Variants in SLC16A10 observed in about 807,000 individuals in gnomAD.
The protein encoded by SLC16A10 is monocarboxylate transporter 10.
Under a neutral mutation model 40.0 loss-of-function variants are expected in SLC16A10, and 27 were observed. The ratio of observed to expected loss-of-function variants is 0.67; its 90% CI spans 0.50 to 0.93. The LOEUF is 0.93. Ranked by LOEUF, SLC16A10 falls within the 40% of genes least tolerant of loss-of-function variation. SLC16A10 has a pLI of 0.00. For missense variants in SLC16A10, 529 were observed against 658.2 expected (o/e 0.80, Z 2.15); for synonymous variants, 213 against 249.8 (o/e 0.85, Z 1.39).
intron 3 of SLC16A10, 72 bp from the exon 4 acceptor site, chr6:111,206,520 T>G: frequency 6.4e-7 from 1 of 1,569,330 alleles, no homozygotes. Context: ...GCAAATGCAT[T>G]TGATGCAAAG....
chr6:111,185,579 G>A (rs1772880990), intron 3 of SLC16A10, among the ~76,000 whole-genome samples: 1 of 152,098 alleles, frequency 6.6e-6, no homozygotes, highest in African/African-American at 2.4e-5. Context: ...AGAAAACTGA[G>A]GCCATGCAGT....
At chr6:111,203,719 C>CAAATAAATAAATAAATAAAT (rs60881476) in intron 3 of SLC16A10, among the ~76,000 whole-genome samples, 193 of 138,152 alleles carry the variant, frequency 1.4e-3, no homozygotes, top group Admixed American at 2.7e-3. Flanking sequence ...AACCCCATCT[C>CAAATAAATAAATAAATAAAT]AAATAAATAA....
At chr6:111,097,514 A>G (rs1012853111) in intron 1 of SLC16A10, among the ~76,000 whole-genome samples, 1 of 151,842 alleles carries the variant, frequency 6.6e-6, no homozygotes, top group Non-Finnish European at 1.5e-5. Context: ...GGGTTTCGCC[A>G]TGTTGGTCAG....
intron 1 of SLC16A10, among the ~76,000 whole-genome samples, chr6:111,095,802 C>T (rs1195637376): frequency 2.0e-5 from 3 of 152,218 alleles, no homozygotes; most frequent in East Asian, 1.9e-4. Context: ...GCTCCTCTTT[C>T]ACCTTCCACC....
chr6:111,201,766 A>G (rs1773171617), intron 3 of SLC16A10, among the ~76,000 whole-genome samples: 1 of 152,194 alleles, frequency 6.6e-6, no homozygotes, highest in Non-Finnish European at 1.5e-5. Context: ...GCAGGTGTGT[A>G]CCACCACTGC....
intron 3 of SLC16A10, among the ~76,000 whole-genome samples, chr6:111,196,225 T>C (rs1389899626): frequency 6.6e-6 from 1 of 152,014 alleles, no homozygotes; most frequent in Non-Finnish European, 1.5e-5. Flanking sequence ...TAGTCCCAGC[T>C]ACTCAGGAGG....
At chr6:111,172,661 CAT>C (rs750483645) in intron 1 of SLC16A10, 32 bp from the exon 2 acceptor site, 1 of 1,601,250 alleles carries the variant, frequency 6.2e-7, no homozygotes, top group Non-Finnish European at 8.5e-7. Flanking sequence ...CTTACCATGT[CAT>C]AATTCCCCCC....
chr6:111,093,064 A>G (rs966047868), intron 1 of SLC16A10, among the ~76,000 whole-genome samples: 1 of 150,092 alleles, frequency 6.7e-6, no homozygotes, highest in Non-Finnish European at 1.5e-5. Context: ...AAGAAAAGAA[A>G]AAAAGAAAAA....
At position 111,150,700 on chromosome 6, in the gene SLC16A10, AC is replaced by A. The variant is rs201243932; in HGVS notation, c.344-21993del. Reference sequence around the variant, plus strand: ...TGATTGAGCATGCTCAGTTCTTTCTACCAAAGGCCTCAATCAGACAGATTCT... The same window carrying A: ...TGATTGAGCATGCTCAGTTCTTTCTACAAAGGCCTCAATCAGACAGATTCT... On this transcript the variant is annotated intron_variant, in intron 1 of 5. Transcript: ENST00000368851. Among the ~76,000 whole-genome samples the A allele has an allele frequency of 9.4e-3, 1,426 of 152,252 alleles. 22 individuals are homozygous for A. The highest frequency in any genetic ancestry group is 0.033 in the African/African-American group (1,376 of 41,546).
intron 3 of SLC16A10, among the ~76,000 whole-genome samples, chr6:111,182,256 C>T (rs896619652): frequency 2.2e-4 from 33 of 151,482 alleles, no homozygotes; most frequent in Non-Finnish European, 4.0e-4. Context: ...CCATCTTGGC[C>T]TCCCAAAATG....
At chr6:111,100,992 C>CTATATA (rs71021826) in intron 1 of SLC16A10, among the ~76,000 whole-genome samples, 225 of 66,388 alleles carry the variant, frequency 3.4e-3, no homozygotes, top group African/African-American at 0.012. Flanking sequence ...CTCTCTCTCT[C>CTATATA]TATATATATA....
At chr6:111,207,563 A>G (rs745572527) in intron 4 of SLC16A10, among the ~76,000 whole-genome samples, 2 of 152,206 alleles carry the variant, frequency 1.3e-5, no homozygotes, top group African/African-American at 2.4e-5. Context: ...TAATGGTCTC[A>G]TGGGAGAAGA....
At chr6:111,211,134 CAA>C (rs370253163) in intron 4 of SLC16A10, among the ~76,000 whole-genome samples, 16 of 151,738 alleles carry the variant, frequency 1.1e-4, no homozygotes, top group Admixed American at 9.9e-4. Context: ...GGGAGGGAAA[CAA>C]GAGTGCAAGA....
At chr6:111,206,935 T>C (rs1773264898) in intron 4 of SLC16A10, among the ~76,000 whole-genome samples, 200 bp downstream of exon 4, 2 of 152,146 alleles carry the variant, frequency 1.3e-5, no homozygotes. Context: ...TTCAAGGGAT[T>C]CTCCTGCCTT....
At chr6:111,200,201 A>G (rs973051984) in intron 3 of SLC16A10, among the ~76,000 whole-genome samples, 3 of 152,174 alleles carry the variant, frequency 2.0e-5, no homozygotes, top group Non-Finnish European at 4.4e-5. Flanking sequence ...TTTAGCCACA[A>G]CAGAAATATC....
rs998226480 is a variant in SLC16A10, at chr6:111,163,624, A to T, written c.344-9071A>T. Among the ~76,000 whole-genome samples, 54 of 152,182 alleles carry T rather than the reference A, an allele frequency of 3.5e-4. 1 individual carries two copies. The highest frequency in any genetic ancestry group is 5.6e-4 in the Non-Finnish European group (38 of 68,032). Reference sequence around the variant, plus strand: ...CTAAACATGTCAGTTAATCCTGTTTACCTCTCTTTTGGATGCTCCAGGAGC... The same window carrying T: ...CTAAACATGTCAGTTAATCCTGTTTTCCTCTCTTTTGGATGCTCCAGGAGC... On this transcript the variant is annotated intron_variant, in intron 1 of 5. Transcript: ENST00000368851.
chr6:111,153,958 A>G (rs1772222974), intron 1 of SLC16A10, among the ~76,000 whole-genome samples: 2 of 152,204 alleles, frequency 1.3e-5, no homozygotes, highest in Admixed American at 6.5e-5. Context: ...TACTGGGGGA[A>G]AAGAGGTGTA....
At chr6:111,178,820 A>T (rs1772739024) in intron 3 of SLC16A10, 1 of 186,646 alleles carries the variant, frequency 5.4e-6, no homozygotes, top group South Asian at 1.1e-4. Context: ...CGATTTACGG[A>T]CTATCAGGCT....
Position 111,167,241 on chromosome 6 carries a change from A to T in SLC16A10, c.344-5454A>T, listed in dbSNP as rs149363508. On this transcript the variant is annotated intron_variant, in intron 1 of 5. Transcript: ENST00000368851. ...GATACAAAGAAGTGTATTTATTTCA[A>T]AACTAGCTTAGGGGAAGAGGCACAA... Among the ~76,000 whole-genome samples the T allele has an allele frequency of 1.1e-3, 174 of 152,334 alleles. 1 individual carries two copies. Among genetic ancestry groups the T allele is most frequent in the African/African-American group, 4.1e-3 (169 of 41,580 alleles).
Sources: allele counts gnomAD v4.1 joint callset (sites outside exome capture counted in the v4.1 genomes callset), GRCh38; gene constraint gnomAD v4.1.1; transcripts MANE v1.5; gene names NCBI Gene and HGNC (gene_info 2026-07-23, HGNC 2026-07-21).